Variants in SLC2A14 observed in about 807,000 individuals in gnomAD.
SLC2A14 encodes solute carrier family 2 member 14, also known as solute carrier family 2, facilitated glucose transporter member 14.
In SLC2A14, 13 loss-of-function variants were observed where a neutral mutation model predicts 43.0. That is an observed-to-expected ratio of 0.30 (90% CI 0.20 to 0.48). The LOEUF (loss-of-function observed/expected upper bound fraction) is 0.48. Ranked by LOEUF, SLC2A14 falls within the 20% of genes least tolerant of loss-of-function variation. SLC2A14 has a pLI of 0.99. For missense variants in SLC2A14, 428 were observed against 620.4 expected (o/e 0.69, Z 3.29); for synonymous variants, 190 against 233.8 (o/e 0.81, Z 1.71).
upstream of SLC2A14, among the ~76,000 whole-genome samples, chr12:7,876,420 G>A (rs1279019821): frequency 6.6e-6 from 1 of 151,954 alleles, no homozygotes; most frequent in Non-Finnish European, 1.5e-5. Flanking sequence ...CTGGGGCCTT[G>A]ATCTTGGACT....
chr12:7,850,745 G>A (rs1057045946), intron 2 of SLC2A14: 1 of 152,190 alleles, frequency 6.6e-6, no homozygotes, highest in Non-Finnish European at 1.5e-5. Context: ...AGCTGTGAGA[G>A]TGGAGAAGGA....
At chr12:7,887,757 T>C (rs1945712114) in intron 1 of SLC2A14, among the ~76,000 whole-genome samples, 1 of 152,172 alleles carries the variant, frequency 6.6e-6, no homozygotes, top group Admixed American at 6.5e-5. Context: ...ATCCTATCAC[T>C]TGATTTATTC....
chr12:7,830,958 T>C (rs1251443416), intron 4 of SLC2A14, among the ~76,000 whole-genome samples: 1 of 151,962 alleles, frequency 6.6e-6, no homozygotes, highest in Non-Finnish European at 1.5e-5. Context: ...ACCCCATCTC[T>C]ACTAAAAATA....
At chr12:7,882,949 G>T (rs1284299776) in intron 1 of SLC2A14, among the ~76,000 whole-genome samples, 1 of 151,834 alleles carries the variant, frequency 6.6e-6, no homozygotes, top group East Asian at 1.9e-4. Context: ...GGTGGCTCGT[G>T]CCTGTAATCC....
chr12:7,854,829 G>C (rs1565553553), intron 2 of SLC2A14, among the ~76,000 whole-genome samples: 1 of 150,350 alleles, frequency 6.7e-6, no homozygotes, highest in Non-Finnish European at 1.5e-5. Context: ...TTTATTTTTT[G>C]AGATGGAGTC....
chr12:7,851,539 T>C (rs1866939032), intron 2 of SLC2A14, among the ~76,000 whole-genome samples: 1 of 152,270 alleles, frequency 6.6e-6, no homozygotes, highest in East Asian at 1.9e-4. Context: ...TCTCTAGCTC[T>C]AAATATAAAA....
chr12:7,861,248 T>C (rs1440690133), intron 2 of SLC2A14, among the ~76,000 whole-genome samples: 1 of 152,096 alleles, frequency 6.6e-6, no homozygotes, highest in African/African-American at 2.4e-5. Flanking sequence ...TAGTCTTTTT[T>C]TTGGTGGGGG....
intron 1 of SLC2A14, among the ~76,000 whole-genome samples, chr12:7,883,357 C>T (rs1461035085): frequency 1.4e-5 from 2 of 146,962 alleles, no homozygotes; most frequent in Non-Finnish European, 3.0e-5. Context: ...AACTCAGCCT[C>T]CTGGGTTCAC....
rs1445334070 is a variant in SLC2A14 at position 7,813,666 on chromosome 12, GAAC to G, written c.*647_*649del. The G allele has an allele frequency of 6.5e-6, 1 of 152,882 alleles. No homozygotes were observed. The highest frequency in any genetic ancestry group is 1.9e-4 in the East Asian group (1 of 5,206). 9.5% of individuals were successfully genotyped at this position (152,882 alleles called of 1,614,324 possible). On this transcript the variant is annotated 3_prime_UTR_variant, in exon 11 of 11. Transcript: ENST00000431042. ...ACCACATCATTTACCCTCCAATAAT[GAAC>G]AACATTTCTCCCTGAATTCTTATTG...
chr12:7,855,837 A>G (rs993924992), intron 2 of SLC2A14, among the ~76,000 whole-genome samples: 2 of 151,512 alleles, frequency 1.3e-5, no homozygotes, highest in East Asian at 2.0e-4. Flanking sequence ...GGGTTTCACC[A>G]TGTTAGCCAG....
upstream of SLC2A14, chr12:7,873,346 A>G (rs1945343106): frequency 3.0e-6 from 3 of 985,402 alleles, no homozygotes; most frequent in Non-Finnish European, 3.6e-6. Flanking sequence ...GAGATCCTGT[A>G]AAGAGTTATT....
intron 1 of SLC2A14, among the ~76,000 whole-genome samples, chr12:7,889,323 T>C (rs1945738924): frequency 6.8e-6 from 1 of 147,504 alleles, no homozygotes; most frequent in African/African-American, 2.5e-5. Context: ...AACCTCTGCC[T>C]CCCGGATTCA....
chr12:7,832,601 G>C (rs1247130740), intron 3 of SLC2A14, 121 bp downstream of exon 3: 5 of 1,039,280 alleles, frequency 4.8e-6, no homozygotes, highest in Non-Finnish European at 7.2e-6. Context: ...TCAGCCTCCG[G>C]AGTAGCTGGG....
At chr12:7,882,183 T>A (rs1295367086) in intron 1 of SLC2A14, among the ~76,000 whole-genome samples, 1 of 151,836 alleles carries the variant, frequency 6.6e-6, no homozygotes, top group Non-Finnish European at 1.5e-5. Flanking sequence ...ACCGTGAAAG[T>A]CTGTAGCTTT....
chr12:7,865,320 G>A (rs1329221338), intron 2 of SLC2A14, among the ~76,000 whole-genome samples: 34 of 152,156 alleles, frequency 2.2e-4, no homozygotes, highest in East Asian at 1.9e-4. Flanking sequence ...GGCGGATCAC[G>A]AGGTCAGGAG....
chr12:7,817,781 CAGATACATAGAT>C (rs146789306), intron 10 of SLC2A14, 38 bp downstream of exon 10: 10,447 of 657,384 alleles, frequency 0.016, 306 homozygotes, highest in Admixed American at 0.074. Flanking sequence ...GATAGATAGA[CAGATACATAGAT>C]AGATACATAG....
intron 1 of SLC2A14, chr12:7,871,201 G>C: frequency 1.6e-6 from 2 of 1,257,586 alleles, no homozygotes; most frequent in South Asian, 1.7e-5. Context: ...GGAATCCTCA[G>C]GTTTCATTCA....
intron 2 of SLC2A14, among the ~76,000 whole-genome samples, chr12:7,861,084 G>A (rs1051524122): frequency 1.3e-5 from 2 of 151,980 alleles, no homozygotes; most frequent in African/African-American, 4.8e-5. Context: ...GAGCCACCTC[G>A]CCCGGCATCA....
chr12:7,821,274 T>A lies in SLC2A14; in HGVS notation c.916A>T (p.Ile306Phe). 2 of 1,613,964 alleles carry A rather than the reference T, an allele frequency of 1.2e-6. No individual in the cohort carries two copies. The highest frequency in any genetic ancestry group is 2.2e-5 in the South Asian group (2 of 91,080). The part of the protein sequence containing the change: ...IFKDAGVQQP[I>F]YATISAGVVN... ...ACACCCGCGCTGATGGTGGCATAGATGGGCTGTTGAACACCTGCATCCTTG... is the reference window on the plus strand; with the variant it reads ...ACACCCGCGCTGATGGTGGCATAGAAGGGCTGTTGAACACCTGCATCCTTG... The change falls in exon 8 of 11, where the codon ATC becomes TTC. Residue 306 changes from isoleucine to phenylalanine, a missense_variant. Around this residue, in one of 4 missense-constraint regions of SLC2A14, gnomAD observed 185 missense variants for 275.4 expected, o/e 0.67. Transcript: ENST00000431042.
Sources: allele counts gnomAD v4.1 joint callset (sites outside exome capture counted in the v4.1 genomes callset), GRCh38; gene constraint gnomAD v4.1.1; regional missense constraint gnomAD v4.1.1; transcripts MANE v1.5; gene names NCBI Gene and HGNC (gene_info 2026-07-23, HGNC 2026-07-21).